The following ZBTB16 variants were observed in gnomAD, a reference collection of about 807,000 sequenced individuals.
ZBTB16 encodes the protein zinc finger and BTB domain-containing protein 16.
Under a neutral mutation model 56.8 loss-of-function variants are expected in ZBTB16, and 8 were observed. The observed-to-expected ratio is 0.14, with a 90% CI of 0.08 to 0.25. The LOEUF (loss-of-function observed/expected upper bound fraction) is 0.25, where lower values mean the gene tolerates loss of function less well. Among genes scored for constraint, ZBTB16 ranks in the 10% least tolerant of loss-of-function variants. The probability of loss-of-function intolerance (pLI) is 1.00; values close to 1 mark genes in which losing one functional copy is unlikely to be tolerated. For missense variants in ZBTB16, 625 were observed against 903.0 expected (o/e 0.69, Z 3.95); for synonymous variants, 363 against 368.5 (o/e 0.98, Z 0.17).
intron 2 of ZBTB16, among the ~76,000 whole-genome samples, chr11:114,148,865 TGTG>T (rs1307294382): frequency 1.0e-4 from 2 of 19,820 alleles, no homozygotes; most frequent in Non-Finnish European, 4.2e-4. Flanking sequence ...TTTTTACTGG[TGTG>T]TGTGTGTGTG....
chr11:114,230,189 A>C (rs1375019099), intron 4 of ZBTB16, among the ~76,000 whole-genome samples: 1 of 152,146 alleles, frequency 6.6e-6, no homozygotes. Context: ...AAGGCAAAAC[A>C]ACCTCTGTCC....
chr11:114,226,402 T>C (rs1398591203), intron 4 of ZBTB16, among the ~76,000 whole-genome samples: 1 of 152,202 alleles, frequency 6.6e-6, no homozygotes, highest in Non-Finnish European at 1.5e-5. Flanking sequence ...CAGCCTGTGG[T>C]TGGCCTGAGA....
At chr11:114,148,414 TCCCTCC>T (rs1325118581) in intron 2 of ZBTB16, among the ~76,000 whole-genome samples, 388 of 36,602 alleles carry the variant, frequency 0.011, 26 homozygotes, top group African/African-American at 0.019. Flanking sequence ...CCTCCCTCCC[TCCCTCC>T]CTCCCTCTCT....
At chr11:114,169,581 T>C (rs922638724) in intron 3 of ZBTB16, among the ~76,000 whole-genome samples, 5 of 152,080 alleles carry the variant, frequency 3.3e-5, no homozygotes, top group Non-Finnish European at 2.9e-5. Flanking sequence ...CTAGGGCCAG[T>C]GGTGTGCAAA....
intron 2 of ZBTB16, among the ~76,000 whole-genome samples, chr11:114,111,462 G>C (rs903213007): frequency 6.6e-6 from 1 of 152,054 alleles, no homozygotes; most frequent in Non-Finnish European, 1.5e-5. Flanking sequence ...CTAGCGCTGC[G>C]AACCACAAGA....
At chr11:114,085,646 C>T (rs902752524) in intron 2 of ZBTB16, among the ~76,000 whole-genome samples, 3 of 151,926 alleles carry the variant, frequency 2.0e-5, no homozygotes, top group African/African-American at 4.8e-5. Flanking sequence ...AGCATTTGGC[C>T]AGGTTTTAGA....
chr11:114,061,041 G>A (rs1321057269), intron 1 of ZBTB16, among the ~76,000 whole-genome samples: 1 of 152,078 alleles, frequency 6.6e-6, no homozygotes, highest in East Asian at 1.9e-4. Flanking sequence ...GCTTTCCCTC[G>A]TCCCTAGCTC....
At chr11:114,142,759 G>A (rs894671118) in intron 2 of ZBTB16, among the ~76,000 whole-genome samples, 4 of 142,318 alleles carry the variant, frequency 2.8e-5, no homozygotes, top group East Asian at 2.1e-4. Flanking sequence ...TGGGGCCTTG[G>A]GGAGGGGGAG....
chr11:114,227,128 C>T (rs576384933), intron 4 of ZBTB16, among the ~76,000 whole-genome samples: 47 of 152,186 alleles, frequency 3.1e-4, no homozygotes, highest in Non-Finnish European at 5.9e-4. Context: ...TGGACTCCAG[C>T]AGGACTGCAG....
At chr11:114,088,838 A>G (rs1391722295) in intron 2 of ZBTB16, among the ~76,000 whole-genome samples, 3 of 152,140 alleles carry the variant, frequency 2.0e-5, no homozygotes, top group Admixed American at 6.5e-5. Context: ...CCTTGTCCTA[A>G]TTGGCATCTT....
intron 2 of ZBTB16, among the ~76,000 whole-genome samples, chr11:114,146,701 C>G (rs1399767948): frequency 6.6e-6 from 1 of 151,808 alleles, no homozygotes; most frequent in Admixed American, 6.6e-5. Context: ...AAAAAAAAAT[C>G]AGCTGGGCAT....
In ZBTB16 at chr11:114,255,741, A is replaced by G. The variant is rs1309544946; in HGVS notation, c.*5186A>G. Among the ~76,000 whole-genome samples, 1 of 151,840 alleles carries G rather than the reference A, an allele frequency of 6.6e-6. No individual in the cohort carries two copies. Among genetic ancestry groups the G allele is most frequent in the Non-Finnish European group, 1.5e-5 (1 of 67,980 alleles). On this transcript the variant is annotated 3_prime_UTR_variant, in exon 7 of 7. Transcript: ENST00000335953. ...TTTAAAAAAAAAAAAAAAGGAAAAA[A>G]AAAGAAAAAATGAATTTACTGCTGC...
intron 2 of ZBTB16, among the ~76,000 whole-genome samples, chr11:114,081,354 C>G (rs183866919): frequency 6.6e-6 from 1 of 152,104 alleles, no homozygotes; most frequent in Non-Finnish European, 1.5e-5. Context: ...CCAAAGATTG[C>G]TAAGACATGG....
At chr11:114,128,930 T>C (rs2134852646) in intron 2 of ZBTB16, among the ~76,000 whole-genome samples, 1 of 152,312 alleles carries the variant, frequency 6.6e-6, no homozygotes. Context: ...GCAGGACCTC[T>C]TGAGCTCTGG....
chr11:114,128,583 A>G (rs969376876), intron 2 of ZBTB16, among the ~76,000 whole-genome samples: 3 of 152,206 alleles, frequency 2.0e-5, no homozygotes, highest in African/African-American at 2.4e-5. Flanking sequence ...GGTGAAGCCA[A>G]TAAAACCCTT....
intron 4 of ZBTB16, among the ~76,000 whole-genome samples, chr11:114,235,690 C>CT (rs10601847): frequency 1.2e-4 from 8 of 68,256 alleles, no homozygotes; most frequent in African/African-American, 4.6e-4. Context: ...TTCTTTCTTT[C>CT]TTTTCTTTCT....
chr11:114,143,571 C>G lies in ZBTB16; in HGVS notation c.1269-12766C>G, dbSNP rs1042979938. ...TACACAAAAATGTAGAAAAAATACG[C>G]TAGTGACAGGTCCTCCCTCCATCCC... On this transcript the variant is annotated intron_variant, in intron 2 of 6. Transcript: ENST00000335953. This position sits in a 1 kb window ranked among gnomAD's most constrained non-coding sequence, Gnocchi z 6.4. Among the ~76,000 whole-genome samples, 1 of 152,168 alleles carries G rather than the reference C, an allele frequency of 6.6e-6. No homozygotes were observed. The highest frequency in any genetic ancestry group is 1.5e-5 in the Non-Finnish European group (1 of 68,024).
At chr11:114,112,452 C>T (rs920629760) in intron 2 of ZBTB16, among the ~76,000 whole-genome samples, 30 of 151,576 alleles carry the variant, frequency 2.0e-4, no homozygotes, top group East Asian at 1.9e-4. Context: ...AGAGAGGGCA[C>T]GAAGATGAGG....
intron 4 of ZBTB16, among the ~76,000 whole-genome samples, chr11:114,206,279 G>A (rs1256422183): frequency 6.6e-6 from 1 of 152,198 alleles, no homozygotes; most frequent in African/African-American, 2.4e-5. Flanking sequence ...ACTGTTGCAA[G>A]GGGCTTTAGG....
Sources: gnomAD v4.1 joint callset for allele counts (sites outside exome capture counted in the v4.1 genomes callset) on GRCh38, gnomAD v4.1.1 for gene constraint, Gnocchi (gnomAD v3.1) non-coding constraint, MANE v1.5 for transcripts, NCBI Gene and HGNC (gene_info 2026-07-23, HGNC 2026-07-21) for gene names.